CNKSR3: variants seen among roughly 807,000 people sequenced by gnomAD.
CNKSR3 encodes CNKSR family member 3.
A neutral mutation model predicts 67.7 loss-of-function variants in CNKSR3; 36 were observed. The observed-to-expected ratio is 0.53, with a 90% CI of 0.41 to 0.70. CNKSR3 has a LOEUF of 0.70. CNKSR3 is among the 30% of genes least tolerant of loss of function. CNKSR3 has a pLI of 0.00. For missense variants in CNKSR3, 630 were observed against 695.2 expected (o/e 0.91, Z 1.05); for synonymous variants, 281 against 271.4 (o/e 1.04, Z -0.35).
rs1473751476 is a variant in CNKSR3 at position 154,402,683 on chromosome 6, G to A, written c.*3671C>T. 6.6e-6 allele frequency: 1 copy of A among 152,214 alleles called. No homozygotes were observed. 9.4% of individuals were successfully genotyped at this position (152,214 alleles called of 1,614,324 possible). A position where few individuals can be genotyped will look rare whatever the true frequency, so the allele number is the denominator to read the frequency against. ...GGCACACAGCAAGCACTATATGAGT[G>A]AAGCCATTACAGACTAGGTATGCCT... On this transcript the variant is annotated 3_prime_UTR_variant, in exon 13 of 13. Transcript: ENST00000607772.
intron 1 of CNKSR3, among the ~76,000 whole-genome samples, chr6:154,501,905 C>G (rs113749624): frequency 6.6e-6 from 1 of 151,890 alleles, no homozygotes; most frequent in Non-Finnish European, 1.5e-5. Context: ...ATGAGAAGAC[C>G]GAAGACGGAC....
chr6:154,430,630 A>AT (rs750765889), intron 5 of CNKSR3, 39 bp from the exon 6 acceptor site: 2 of 1,578,866 alleles, frequency 1.3e-6, no homozygotes, highest in Non-Finnish European at 1.7e-6. Flanking sequence ...AAGTTCAATC[A>AT]TTAACCAAGT....
At chr6:154,462,708 T>C (rs1299258280) in intron 1 of CNKSR3, among the ~76,000 whole-genome samples, 8 of 152,198 alleles carry the variant, frequency 5.3e-5, no homozygotes. Flanking sequence ...TGGCTCAGTC[T>C]CAGCTCCCTT....
At chr6:154,493,306 TTC>T (rs1786817819) in intron 1 of CNKSR3, among the ~76,000 whole-genome samples, 1 of 152,208 alleles carries the variant, frequency 6.6e-6, no homozygotes, top group African/African-American at 2.4e-5. Flanking sequence ...CCTGTGGCCC[TTC>T]CTAATGACCT....
At chr6:154,463,647 G>A (rs554517116) in intron 1 of CNKSR3, among the ~76,000 whole-genome samples, 1 of 152,162 alleles carries the variant, frequency 6.6e-6, no homozygotes, top group Admixed American at 6.5e-5. Flanking sequence ...ACACTCTAGG[G>A]GCCAAGACAA....
intron 1 of CNKSR3, among the ~76,000 whole-genome samples, chr6:154,465,158 A>T (rs1674706794): frequency 6.6e-6 from 1 of 151,562 alleles, no homozygotes; most frequent in Non-Finnish European, 1.5e-5. Flanking sequence ...AAAAAAAAAA[A>T]AAAAAAGGGG....
At chr6:154,462,528 T>G (rs754120830) in intron 1 of CNKSR3, among the ~76,000 whole-genome samples, 7 of 152,340 alleles carry the variant, frequency 4.6e-5, no homozygotes, top group Admixed American at 4.6e-4. Context: ...CCCTACTGGC[T>G]TCCCACTGCA....
chr6:154,430,612 A>G, intron 5 of CNKSR3, 21 bp from the exon 6 acceptor site: 1 of 1,595,286 alleles, frequency 6.3e-7, no homozygotes, highest in Non-Finnish European at 8.5e-7. Flanking sequence ...AGAAGCAAAT[A>G]GTCAGGAAAG....
At chr6:154,432,048 G>C (rs1785378956) in intron 5 of CNKSR3, among the ~76,000 whole-genome samples, 1 of 152,122 alleles carries the variant, frequency 6.6e-6, no homozygotes, top group Non-Finnish European at 1.5e-5. Flanking sequence ...GGATCATATG[G>C]TAAGAATATG....
At chr6:154,495,042 G>A (rs1024083887) in intron 1 of CNKSR3, among the ~76,000 whole-genome samples, 10 of 152,022 alleles carry the variant, frequency 6.6e-5, no homozygotes, top group South Asian at 4.1e-4. Context: ...AAATAATTCC[G>A]GGTGTCATAT....
intron 1 of CNKSR3, among the ~76,000 whole-genome samples, chr6:154,471,319 C>T (rs1372084826): frequency 6.6e-6 from 1 of 152,164 alleles, no homozygotes; most frequent in Non-Finnish European, 1.5e-5. Context: ...AGGCAGATCG[C>T]TTGAGGTCAA....
rs1784618716 is a variant in CNKSR3, at chr6:154,392,546, C to T, written c.*13808G>A. The stretch of plus-strand genomic sequence containing the variant: ...GCACTAAACAGATGGCTAAAGGAGC[C>T]CACCCTCAGAATCCAAAAGAGGGTC... On this transcript the variant is annotated 3_prime_UTR_variant, in exon 13 of 13. Coordinates refer to ENST00000607772, the MANE Select transcript of CNKSR3 (RefSeq NM_173515.4). The T allele has an allele frequency of 6.6e-6, 1 of 152,202 alleles. No individual in the cohort carries two copies. Among genetic ancestry groups the T allele is most frequent in the Non-Finnish European group, 1.5e-5 (1 of 68,054 alleles). 9.4% of individuals were successfully genotyped at this position (152,202 alleles called of 1,614,324 possible). A position where few individuals can be genotyped will look rare whatever the true frequency, so the allele number is the denominator to read the frequency against.
In CNKSR3 at chr6:154,455,319, T is replaced by C. The variant is rs1026870634; in HGVS notation, c.53-5061A>G. 4.0e-5 allele frequency among the ~76,000 whole-genome samples: 6 copies of C among 151,588 alleles called. No individual in the cohort carries two copies. The East Asian group carries it at 7.8e-4, about 20-fold the overall frequency. On this transcript the variant is annotated intron_variant, in intron 1 of 12. Coordinates refer to ENST00000607772, the MANE Select transcript of CNKSR3 (RefSeq NM_173515.4). ...CCATCTCAAAAAACCAAAAAAAAAA[T>C]AGTGATTTTGTTTTGTTCACTACTT...
At chr6:154,436,510 T>C (rs1426190265) in intron 4 of CNKSR3, among the ~76,000 whole-genome samples, 2 of 152,218 alleles carry the variant, frequency 1.3e-5, no homozygotes, top group East Asian at 3.8e-4. Flanking sequence ...ATTGCTCATT[T>C]TCCTAATTCT....
At chr6:154,468,116 G>T (rs1312143998) in intron 1 of CNKSR3, among the ~76,000 whole-genome samples, 2 of 125,954 alleles carry the variant, frequency 1.6e-5, no homozygotes, top group African/African-American at 6.1e-5. Flanking sequence ...TTACTCTGTC[G>T]CCCAGGCTGG....
intron 10 of CNKSR3, among the ~76,000 whole-genome samples, chr6:154,414,085 C>T (rs1430652253): frequency 6.6e-6 from 1 of 151,644 alleles, no homozygotes; most frequent in East Asian, 1.9e-4. Flanking sequence ...GGGCCCTCCC[C>T]ACCAAACTGT....
intron 1 of CNKSR3, among the ~76,000 whole-genome samples, chr6:154,500,930 A>C (rs1786983161): frequency 6.6e-6 from 1 of 152,230 alleles, no homozygotes; most frequent in Non-Finnish European, 1.5e-5. Context: ...CAATTTCACA[A>C]AAACTCTATT....
chr6:154,460,146 C>G (rs937193848), intron 1 of CNKSR3, among the ~76,000 whole-genome samples: 1 of 152,204 alleles, frequency 6.6e-6, no homozygotes, highest in Non-Finnish European at 1.5e-5. Context: ...TTGGTATTAT[C>G]TGAAAGGATT....
Position 154,406,444 on chromosome 6 carries a change from C to G in CNKSR3, c.1578G>C (p.Lys526Asn). 4 of 1,614,154 alleles carry G rather than the reference C, an allele frequency of 2.5e-6. No homozygotes were observed. Among genetic ancestry groups the G allele is most frequent in the Non-Finnish European group, 3.4e-6 (4 of 1,180,046 alleles). Residue 526 changes from lysine to asparagine, a missense_variant, in exon 13 of 13, where the codon AAG (lysine) becomes AAC (asparagine). This residue lies in a region of CNKSR3 where 308 missense variants were observed against 299.6 expected (regional missense o/e 1.03). Coordinates refer to ENST00000607772, the MANE Select transcript of CNKSR3 (RefSeq NM_173515.4). Reference protein sequence around the residue: ...TIPFQEEGTKKKSGSSATKSS... With the variant: ...TIPFQEEGTKNKSGSSATKSS... ...ACTTCGTAGCTGAGGAGCCAGATTTCTTTTTGGTCCCTTCCTCCTGGAATG... is the reference window on the plus strand; with the variant it reads ...ACTTCGTAGCTGAGGAGCCAGATTTGTTTTTGGTCCCTTCCTCCTGGAATG...
Sources: allele counts gnomAD v4.1 joint callset (sites outside exome capture counted in the v4.1 genomes callset), GRCh38; gene constraint gnomAD v4.1.1; regional missense constraint gnomAD v4.1.1; transcripts MANE v1.5; gene names NCBI Gene and HGNC (gene_info 2026-07-23, HGNC 2026-07-21).